The following RLN2 variants were observed in gnomAD, a reference collection of about 807,000 sequenced individuals.
RLN2 encodes the protein prorelaxin H2.
RLN2 carries 10 observed loss-of-function variants against 7.3 expected under a neutral mutation model. That is an observed-to-expected ratio of 1.36 (90% CI 0.84 to 2.31). The LOEUF (loss-of-function observed/expected upper bound fraction) is 2.31, where lower values mean the gene tolerates loss of function less well. Among genes scored for constraint, RLN2 ranks in the 30% most tolerant of loss-of-function variants. The probability of loss-of-function intolerance (pLI) is 0.00; values close to 1 mark genes in which losing one functional copy is unlikely to be tolerated. For missense variants in RLN2, 298 were observed against 217.6 expected (o/e 1.37, Z -2.32); for synonymous variants, 103 against 82.3 (o/e 1.25, Z -1.36).
At chr9:5,321,307 G>C in the RLN2 span, among the ~76,000 whole-genome samples, 2 of 152,022 alleles carry the variant, frequency 1.3e-5, no homozygotes, top group South Asian at 2.1e-4. Context: ...TCAAAGAAGT[G>C]AGTGTGCTTA....
At chr9:5,326,012 C>T in the RLN2 span, among the ~76,000 whole-genome samples, 1 of 151,914 alleles carries the variant, frequency 6.6e-6, no homozygotes, top group African/African-American at 2.4e-5. Context: ...TAAATTACCA[C>T]AGTTATAATG....
At chr9:5,330,909 AG>A in the RLN2 span, among the ~76,000 whole-genome samples, 1 of 151,954 alleles carries the variant, frequency 6.6e-6, no homozygotes, top group Non-Finnish European at 1.5e-5. Flanking sequence ...AAAATGATAA[AG>A]GGGGTATCAC....
At chr9:5,321,446 T>A in the RLN2 span, among the ~76,000 whole-genome samples, 1 of 152,074 alleles carries the variant, frequency 6.6e-6, no homozygotes, top group African/African-American at 2.4e-5. Context: ...TTAGCTTGAT[T>A]TACACTTTGT....
chr9:5,326,004 A>G, the RLN2 span, among the ~76,000 whole-genome samples: 2 of 152,060 alleles, frequency 1.3e-5, no homozygotes, highest in African/African-American at 4.8e-5. Context: ...GATTTTTTTA[A>G]ATTACCACAG....
At chr9:5,335,548 C>G in the RLN2 span, 1 of 1,612,076 alleles carries the variant, frequency 6.2e-7, no homozygotes. Context: ...TGAATTCCAA[C>G]ATGATAATTA....
chr9:5,309,138 A>G (rs747235274), upstream of RLN2, among the ~76,000 whole-genome samples: 3 of 152,104 alleles, frequency 2.0e-5, no homozygotes, highest in Non-Finnish European at 4.4e-5. Context: ...ATAGGAGGTG[A>G]TTAAAACAAC....
At chr9:5,306,687 G>T (rs1289085555), upstream of RLN2, among the ~76,000 whole-genome samples, 2 of 152,012 alleles carry the variant, frequency 1.3e-5, no homozygotes, top group Admixed American at 6.5e-5. Flanking sequence ...GTCAATTGCT[G>T]GAGTTTGGGT....
chr9:5,334,595 T>C, the RLN2 span, among the ~76,000 whole-genome samples: 1 of 152,058 alleles, frequency 6.6e-6, no homozygotes, highest in East Asian at 1.9e-4. Context: ...ATATGGATGT[T>C]TGTTCTCTCC....
At chr9:5,320,968 C>G in the RLN2 span, among the ~76,000 whole-genome samples, 1 of 152,056 alleles carries the variant, frequency 6.6e-6, no homozygotes, top group African/African-American at 2.4e-5. Context: ...TTAGGCAGCA[C>G]TTCATTTTCA....
the RLN2 span, among the ~76,000 whole-genome samples, chr9:5,334,577 A>T: frequency 6.6e-6 from 1 of 152,000 alleles, no homozygotes; most frequent in African/African-American, 2.4e-5. Flanking sequence ...TTTCTTCTGT[A>T]ATATATGATA....
chr9:5,321,306 T>C, the RLN2 span, among the ~76,000 whole-genome samples: 1 of 152,054 alleles, frequency 6.6e-6, no homozygotes, highest in Non-Finnish European at 1.5e-5. Context: ...ATCAAAGAAG[T>C]GAGTGTGCTT....
chr9:5,327,341 G>A, the RLN2 span, among the ~76,000 whole-genome samples: 2 of 152,154 alleles, frequency 1.3e-5, no homozygotes, highest in South Asian at 4.2e-4. Context: ...TTGATGGGGG[G>A]AGGGGCATCC....
At chr9:5,308,717 A>G (rs1203287613), upstream of RLN2, among the ~76,000 whole-genome samples, 2 of 152,084 alleles carry the variant, frequency 1.3e-5, no homozygotes, top group Non-Finnish European at 2.9e-5. Context: ...TAAAACTGGG[A>G]TGGCCTCACA....
At chr9:5,302,041 G>A (rs1269641723) in intron 1 of RLN2, among the ~76,000 whole-genome samples, 1 of 152,066 alleles carries the variant, frequency 6.6e-6, no homozygotes, top group Non-Finnish European at 1.5e-5. Context: ...TGTAGTTGGG[G>A]CCTTATTAAA....
the RLN2 span, among the ~76,000 whole-genome samples, chr9:5,329,553 T>A: frequency 2.1e-5 from 3 of 144,026 alleles, no homozygotes; most frequent in East Asian, 6.1e-4. Flanking sequence ...AACAAAGGGA[T>A]GGAGGAAGAT....
the RLN2 span, among the ~76,000 whole-genome samples, chr9:5,324,980 G>A: frequency 2.0e-5 from 3 of 151,920 alleles, no homozygotes; most frequent in African/African-American, 7.3e-5. Context: ...TAAGTATAAG[G>A]ATAAGTGTAG....
the RLN2 span, among the ~76,000 whole-genome samples, chr9:5,312,701 A>G: frequency 6.6e-6 from 1 of 151,706 alleles, no homozygotes; most frequent in Non-Finnish European, 1.5e-5. Flanking sequence ...TCTTTAATAA[A>G]GCTGGATACA....
chr9:5,323,856 G>A, the RLN2 span, among the ~76,000 whole-genome samples: 1 of 151,892 alleles, frequency 6.6e-6, no homozygotes, highest in Admixed American at 6.6e-5. Flanking sequence ...AGACCAACCT[G>A]GCCAACATGG....
chr9:5,311,758 A>G, the RLN2 span: 16 of 843,792 alleles, frequency 1.9e-5, no homozygotes, highest in Admixed American at 1.2e-4. Flanking sequence ...TGGTGACTGT[A>G]GAGTTTGAAA....
Sources: gnomAD v4.1 joint callset for allele counts (sites outside exome capture counted in the v4.1 genomes callset) on GRCh38, gnomAD v4.1.1 for gene constraint, MANE v1.5 for transcripts, NCBI Gene and HGNC (gene_info 2026-07-23, HGNC 2026-07-21) for gene names.